The following HSD3B1 variants were observed in gnomAD, a reference collection of about 807,000 sequenced individuals.
HSD3B1 encodes the protein hydroxy-delta-5-steroid dehydrogenase, 3 beta- and steroid delta-isomerase 1, also known as 3 beta-hydroxysteroid dehydrogenase/Delta 5-->4-isomerase type 1.
A neutral mutation model predicts 10.4 loss-of-function variants in HSD3B1; 11 were observed. The observed-to-expected ratio is 1.05, with a 90% CI of 0.66 to 1.75. The LOEUF is 1.75. HSD3B1 is among the 40% of genes most tolerant of loss of function. HSD3B1 has a pLI of 0.00. For synonymous variants in HSD3B1, 217 were observed against 185.4 expected, an observed-to-expected ratio of 1.17 and a Z score of -1.39; for missense variants, 490 against 454.5, an observed-to-expected ratio of 1.08 and a Z score of -0.71.
At chr1:119,507,298 CA>C in intron 1 of HSD3B1, 36 bp downstream of exon 1, 1 of 611,804 alleles carries the variant, frequency 1.6e-6, no homozygotes, top group Non-Finnish European at 2.9e-6. Context: ...GCTACTCCTG[CA>C]GTGGTGGGGA....
In HSD3B1 at chr1:119,511,626, G is replaced by A. The variant is rs780353842; in HGVS notation, c.269G>A (p.Gly90Asp). The change falls in exon 3 of 4, where the codon GGT (glycine) becomes GAT (aspartate). Residue 90 changes from glycine to aspartate, a missense_variant. Coordinates refer to ENST00000369413, the MANE Select transcript of HSD3B1 (RefSeq NM_000862.3). ...ACCGCCTGTATCATTGATGTCTTCG[G>A]TGTCACTCACAGAGAGTCTATCATG... The part of the protein sequence containing the change: ...IHTACIIDVF[G>D]VTHRESIMNV... The A allele has an allele frequency of 1.6e-5, 26 of 1,609,734 alleles. No individual in the cohort carries two copies. Among genetic ancestry groups the A allele is most frequent in the Non-Finnish European group, 2.2e-5 (26 of 1,178,784 alleles).
At position 119,513,859 on chromosome 1, in the gene HSD3B1, T is replaced by G. The variant is rs1317897970; in HGVS notation, c.336T>G (p.Cys112Trp). The change falls in exon 4 of 4, where the codon TGT becomes TGG. Residue 112 changes from cysteine to tryptophan, a missense_variant. Physicochemically the swap from Cys to Trp is radical, Grantham distance 215 (BLOSUM62 -2). Transcript: ENST00000369413. ...VKGTQLLLEA[C>W]VQASVPVFIY... The stretch of plus-strand genomic sequence containing the variant: ...GTACCCAGCTCCTGTTAGAGGCCTG[T>G]GTCCAAGCTAGTGTGCCAGTCTTCA... 7 of 1,613,760 alleles carry G rather than the reference T, an allele frequency of 4.3e-6. No homozygotes were observed. Among genetic ancestry groups the G allele is most frequent in the Non-Finnish European group, 5.9e-6 (7 of 1,179,856 alleles).
At chr1:119,511,270 G>A (rs1301640985) in intron 2 of HSD3B1, among the ~76,000 whole-genome samples, 1 of 152,166 alleles carries the variant, frequency 6.6e-6, no homozygotes, top group East Asian at 1.9e-4. Context: ...TCACTGCTCA[G>A]ATTACTTTTC....
chr1:119,508,886 TAAAC>T (rs1653865379), intron 2 of HSD3B1, among the ~76,000 whole-genome samples: 1 of 152,236 alleles, frequency 6.6e-6, no homozygotes. Context: ...TTGTCTTTGA[TAAAC>T]AAATATGAAA....
intron 2 of HSD3B1, among the ~76,000 whole-genome samples, chr1:119,510,712 G>GTTTCC (rs1653907643): frequency 5.1e-5 from 2 of 39,060 alleles, no homozygotes; most frequent in Non-Finnish European, 7.0e-5. Context: ...TGCTTGTGTG[G>GTTTCC]TTTTCTTTTT....
Position 119,514,405 on chromosome 1 carries a change from T to G in HSD3B1, c.882T>G (p.Ile294Met). ...TTCCTTTATCCCTGATGTATTGGAT[T>G]GGCTTCCTGCTGGAAATAGTGAGCT... ...WSFPLSLMYW[I>M]GFLLEIVSFL... The change falls in exon 4 of 4, where the codon ATT (isoleucine) becomes ATG (methionine). Residue 294 changes from isoleucine (I) to methionine (M), a missense_variant. Coordinates refer to ENST00000369413, the MANE Select transcript of HSD3B1 (RefSeq NM_000862.3). 6.2e-7 allele frequency: 1 copy of G among 1,614,158 alleles called. No individual in the cohort carries two copies.
intron 3 of HSD3B1, 177 bp downstream of exon 3, chr1:119,511,844 A>G (rs1653948194): frequency 1.6e-6 from 1 of 618,146 alleles, no homozygotes; most frequent in African/African-American, 1.8e-5. Context: ...TTAGATGATA[A>G]AACTAGGACT....
intron 2 of HSD3B1, 147 bp from the exon 3 acceptor site, chr1:119,511,356 T>C (rs1653931520): frequency 2.8e-6 from 2 of 717,910 alleles, no homozygotes; most frequent in East Asian, 2.7e-5. Flanking sequence ...TGTGCCTTTT[T>C]TACTTGTTCT....
At chr1:119,507,318 G>A in intron 1 of HSD3B1, 56 bp downstream of exon 1, 3 of 681,824 alleles carry the variant, frequency 4.4e-6, no homozygotes, top group South Asian at 3.7e-5. Flanking sequence ...GACACAGAAT[G>A]TTTGCAAAAA....
intron 1 of HSD3B1, 38 bp from the exon 2 acceptor site, chr1:119,507,354 T>A: frequency 4.3e-6 from 4 of 939,032 alleles, no homozygotes; most frequent in South Asian, 3.0e-5. Flanking sequence ...AAATGAGGCA[T>A]CTGTGTGAGT....
At chr1:119,508,330 A>T (rs1653846663) in intron 2 of HSD3B1, among the ~76,000 whole-genome samples, 1 of 152,136 alleles carries the variant, frequency 6.6e-6, no homozygotes, top group African/African-American at 2.4e-5. Context: ...GTATAAGGCC[A>T]GACATGCCTC....
chr1:119,513,945 G>T lies in HSD3B1; in HGVS notation c.422G>T (p.Gly141Val). The change falls in exon 4 of 4, where the codon GGC (glycine) becomes GTC (valine). Residue 141 changes from glycine (G) to valine (V), a missense_variant. Transcript: ENST00000369413. ...TCCTACAAGGAAATCATCCAGAATG[G>T]CCATGAAGAAGAGCCTCTGGAAAAC... ...PNSYKEIIQNGHEEEPLENTW... is the reference protein window; with the variant it reads ...PNSYKEIIQNVHEEEPLENTW... 18 of 1,614,004 alleles carry T rather than the reference G, an allele frequency of 1.1e-5. No homozygotes were observed. Among genetic ancestry groups the T allele is most frequent in the Non-Finnish European group, 1.5e-5 (18 of 1,179,996 alleles).
At chr1:119,510,772 C>T (rs918230166) in intron 2 of HSD3B1, among the ~76,000 whole-genome samples, 7 of 99,970 alleles carry the variant, frequency 7.0e-5, no homozygotes, top group East Asian at 3.5e-4. Context: ...GGTGGTCTTG[C>T]TCTACCACCC....
At chr1:119,510,133 T>C (rs1212605289) in intron 2 of HSD3B1, among the ~76,000 whole-genome samples, 3 of 152,272 alleles carry the variant, frequency 2.0e-5, no homozygotes, top group African/African-American at 7.2e-5. Context: ...TTATCCAAGC[T>C]CCATGTAGCA....
intron 3 of HSD3B1, among the ~76,000 whole-genome samples, chr1:119,512,981 G>A (rs1314370709): frequency 1.3e-5 from 2 of 152,116 alleles, no homozygotes; most frequent in East Asian, 3.9e-4. Context: ...AGGCACTATG[G>A]GTACCTCCAT....
At position 119,507,723 on chromosome 1, in the gene HSD3B1, A is replaced by C. The variant is rs112144568; in HGVS notation, c.145+102A>C. On this transcript the variant is annotated intron_variant, in intron 2 of 3. Coordinates refer to ENST00000369413, the MANE Select transcript of HSD3B1 (RefSeq NM_000862.3). ...AGCAAGTTATTGAAATTTGTAGCCA[A>C]ATCTAAGCCAATCTCACATCCAAAG... is the stretch of plus-strand genomic sequence containing the variant. The C allele has an allele frequency of 1.2e-4, 137 of 1,138,444 alleles. 1 individual carries two copies. In the African/African-American group the frequency reaches 2.0e-3, roughly 16 times the overall value. The allele number at this position is 1,138,444 out of a possible 1,614,324, so 70.5% of individuals were successfully genotyped here.
intron 2 of HSD3B1, among the ~76,000 whole-genome samples, chr1:119,509,559 G>A (rs1653880099): frequency 6.6e-6 from 1 of 152,200 alleles, no homozygotes; most frequent in South Asian, 2.1e-4. Context: ...GAGGAAGGCA[G>A]CAGGAAGGGC....
At chr1:119,511,289 G>A (rs1653928877) in intron 2 of HSD3B1, among the ~76,000 whole-genome samples, 1 of 152,176 alleles carries the variant, frequency 6.6e-6, no homozygotes, top group Non-Finnish European at 1.5e-5. Context: ...TCTAAAATGA[G>A]ATGGGAGAGA....
In HSD3B1 at chr1:119,511,685, G is replaced by A; in HGVS notation, c.310+18G>A. The A allele has an allele frequency of 1.9e-6, 3 of 1,611,652 alleles. No homozygotes were observed. The highest frequency in any genetic ancestry group is 2.5e-6 in the Non-Finnish European group (3 of 1,177,898). On this transcript the variant is annotated intron_variant, in intron 3 of 3. Coordinates refer to ENST00000369413, the MANE Select transcript of HSD3B1 (RefSeq NM_000862.3). ...TGTGAAAGGTATGGTAGGCTGGGGA[G>A]GAGATGCAGCAAGGTGGGGAATTAA...
Sources: allele counts gnomAD v4.1 joint callset (sites outside exome capture counted in the v4.1 genomes callset), GRCh38; gene constraint gnomAD v4.1.1; transcripts MANE v1.5; gene names NCBI Gene and HGNC (gene_info 2026-07-23, HGNC 2026-07-21).